PAM16: variants seen among roughly 807,000 people sequenced by gnomAD.
The protein encoded by PAM16 is presequence translocase associated motor 16.
PAM16 carries 11 observed loss-of-function variants against 17.9 expected under a neutral mutation model. The ratio of observed to expected loss-of-function variants is 0.62; its 90% CI spans 0.39 to 1.02. PAM16 has a LOEUF of 1.02. Ranked by LOEUF, PAM16 falls within the 50% of genes least tolerant of loss-of-function variation. The pLI is 0.01. For synonymous variants in PAM16, 72 were observed against 67.4 expected, an observed-to-expected ratio of 1.07 and a Z score of -0.34; for missense variants, 199 against 165.4, an observed-to-expected ratio of 1.20 and a Z score of -1.11.
chr16:4,345,580 G>A (rs1438597812), intron 1 of PAM16: 1 of 152,290 alleles, frequency 6.6e-6, no homozygotes, highest in African/African-American at 2.4e-5. Flanking sequence ...TCCTTAACAG[G>A]TGGGATGTCA....
chr16:4,350,218 G>A (rs1252536173), intron 1 of PAM16, among the ~76,000 whole-genome samples: 1 of 151,446 alleles, frequency 6.6e-6, no homozygotes, highest in African/African-American at 2.4e-5. Flanking sequence ...GGGTTCAAGC[G>A]ATACTGGCGC....
intron 1 of PAM16, chr16:4,343,597 T>G: frequency 7.3e-7 from 1 of 1,378,838 alleles, no homozygotes. Context: ...ACCACCGGCT[T>G]CAGGAAGAAA....
intron 4 of PAM16, among the ~76,000 whole-genome samples, chr16:4,340,607 AC>A (rs1272640972): frequency 6.6e-6 from 1 of 152,050 alleles, no homozygotes; most frequent in Non-Finnish European, 1.5e-5. Context: ...GCATGCTGTG[AC>A]CTCTGTGAGC....
rs866184591 is a variant in PAM16, at chr16:4,345,903, C to T, written c.4-2612G>A. On this transcript the variant is annotated intron_variant, in intron 1 of 4. Transcript: ENST00000318059. ...CAGAGGGTCCCCTCGGCTTGAAACA[C>T]GGCTCAGGTCTCAGACTACCCCTCA... 119 of 985,148 alleles carry T rather than the reference C, an allele frequency of 1.2e-4. No homozygotes were observed. In the African/African-American group the frequency reaches 1.6e-3, roughly 13 times the overall value. The allele number at this position is 985,148 out of a possible 1,614,324, so 61.0% of individuals were successfully genotyped here. A position where few individuals can be genotyped will look rare whatever the true frequency, so the allele number is the denominator to read the frequency against.
At chr16:4,341,712 G>T in intron 2 of PAM16, 1 of 807,598 alleles carries the variant, frequency 1.2e-6, no homozygotes, top group Non-Finnish European at 1.9e-6. Context: ...TGGAGGGTAA[G>T]GGCAGGATCT....
At chr16:4,349,027 C>A (rs1038736248) in intron 1 of PAM16, among the ~76,000 whole-genome samples, 2 of 148,596 alleles carry the variant, frequency 1.3e-5, no homozygotes, top group African/African-American at 5.0e-5. Context: ...CGACCTTCGG[C>A]TCACTGCAAG....
At chr16:4,340,891 C>T (rs201929603) in intron 4 of PAM16, 29 bp downstream of exon 4, 2 of 1,612,764 alleles carry the variant, frequency 1.2e-6, no homozygotes, top group African/African-American at 2.7e-5. Context: ...CCCATGACTT[C>T]ATTCCTCCCA....
rs764462507 is a variant in PAM16 at position 4,340,994 on chromosome 16, G to A, written c.226-9C>T. ...AATAAGTGTTCATAGTTCTGCAGAG[G>A]AGAGGGGACGGGTGAGAGGGCTGCA... On this transcript the variant is annotated splice_polypyrimidine_tract_variant and intron_variant, in intron 3 of 4. Transcript: ENST00000318059. 1.5e-5 allele frequency: 24 copies of A among 1,612,770 alleles called. No individual in the cohort carries two copies. The highest frequency in any genetic ancestry group is 2.7e-5 in the African/African-American group (2 of 74,910).
chr16:4,348,093 T>G (rs2053785785), intron 1 of PAM16: 1 of 152,228 alleles, frequency 6.6e-6, no homozygotes, highest in South Asian at 2.1e-4. Context: ...AAGGACACTC[T>G]GGTCACCCAG....
intron 1 of PAM16, among the ~76,000 whole-genome samples, chr16:4,344,817 G>GTGTGAGAGGAGGGGGTTC (rs774248946): frequency 9.2e-6 from 1 of 108,812 alleles, no homozygotes; most frequent in South Asian, 3.3e-4. Flanking sequence ...GGAGGGGATT[G>GTGTGAGAGGAGGGGGTTC]TGTGAGAGGA....
intron 1 of PAM16, 53 bp downstream of exon 1, chr16:4,351,179 C>A: frequency 1.7e-6 from 2 of 1,167,206 alleles, no homozygotes; most frequent in Admixed American, 7.1e-5. Context: ...CGGCCCCCGG[C>A]CCCCGGCCCG....
chr16:4,340,295 G>A lies in PAM16; in HGVS notation c.*24C>T. 6.3e-7 allele frequency: 1 copy of A among 1,595,098 alleles called. No homozygotes were observed. The highest frequency in any genetic ancestry group is 8.6e-7 in the Non-Finnish European group (1 of 1,166,594). ...ACCAAGCTATAAATTAGAGGCGGCG[G>A]GGTGGGCGGGGGGAGCCGAGCAGTC... On this transcript the variant is annotated 3_prime_UTR_variant, in exon 5 of 5. Transcript: ENST00000318059.
At position 4,342,876 on chromosome 16, in the gene PAM16, T is replaced by C. The variant is rs188018913; in HGVS notation, c.88+331A>G. ...CAGGAGGCTGAGGGAGGAGAATCACTTGAACCAGGAGGCAGAGGTTGCAGT... is the reference window on the plus strand; with the variant it reads ...CAGGAGGCTGAGGGAGGAGAATCACCTGAACCAGGAGGCAGAGGTTGCAGT... On this transcript the variant is annotated intron_variant, in intron 2 of 4. Coordinates refer to ENST00000318059, the MANE Select transcript of PAM16 (RefSeq NM_016069.11). 2.5e-3 allele frequency among the ~76,000 whole-genome samples: 385 copies of C among 152,184 alleles called. 5 individuals carry two copies. Among genetic ancestry groups the C allele is most frequent in the Non-Finnish European group, 3.9e-3 (262 of 68,010 alleles).
intron 1 of PAM16, chr16:4,345,808 G>A: frequency 1.0e-6 from 1 of 983,968 alleles, no homozygotes. Flanking sequence ...CCTTCCTAAA[G>A]CCCCTCCCGA....
intron 1 of PAM16, chr16:4,345,267 C>T (rs2053738601): frequency 6.6e-6 from 1 of 152,166 alleles, no homozygotes; most frequent in Admixed American, 6.5e-5. Flanking sequence ...TGAGTCCACA[C>T]ACCAGGCACG....
At chr16:4,348,957 T>TCCTGTTAATA (rs2053802137) in intron 1 of PAM16, among the ~76,000 whole-genome samples, 1 of 132,550 alleles carries the variant, frequency 7.5e-6, no homozygotes, top group African/African-American at 2.9e-5. Flanking sequence ...CACTTTCTTT[T>TCCTGTTAATA]TTTTTTTTTT....
At chr16:4,343,809 A>C in intron 1 of PAM16, 1 of 400,756 alleles carries the variant, frequency 2.5e-6, no homozygotes, top group Non-Finnish European at 4.4e-6. Context: ...AAACAAACTT[A>C]CTATGCAAAC....
chr16:4,341,527 G>C, intron 2 of PAM16, 23 bp from the exon 3 acceptor site: 1 of 1,596,256 alleles, frequency 6.3e-7, no homozygotes, highest in Non-Finnish European at 8.5e-7. Context: ...GTGGGTGATC[G>C]CTCAGTCCTC....
At chr16:4,342,725 G>C (rs566056006) in intron 2 of PAM16, among the ~76,000 whole-genome samples, 20 of 152,012 alleles carry the variant, frequency 1.3e-4, no homozygotes, top group Non-Finnish European at 2.6e-4. Context: ...CCAGCACTTT[G>C]AGGCAGGCGG....
Sources: gnomAD v4.1 joint callset for allele counts (sites outside exome capture counted in the v4.1 genomes callset) on GRCh38, gnomAD v4.1.1 for gene constraint, MANE v1.5 for transcripts, NCBI Gene and HGNC (gene_info 2026-07-23, HGNC 2026-07-21) for gene names.